KANSL1L: variants seen among roughly 807,000 people sequenced by gnomAD.
KANSL1L encodes KAT8 regulatory NSL complex subunit 1 like, also known as KAT8 regulatory NSL complex subunit 1-like protein.
Under a neutral mutation model 108.6 loss-of-function variants are expected in KANSL1L, and 25 were observed. That is an observed-to-expected ratio of 0.23 (90% CI 0.17 to 0.32). The LOEUF is 0.32. KANSL1L is among the 10% of genes least tolerant of loss of function. The pLI is 1.00. For missense variants in KANSL1L, 1,137 were observed against 1,125.7 expected (o/e 1.01, Z -0.14); for synonymous variants, 405 against 395.1 (o/e 1.03, Z -0.30).
At chr2:210,029,943 G>A in intron 9 of KANSL1L, 25 bp from the exon 10 acceptor site, 2 of 1,168,556 alleles carry the variant, frequency 1.7e-6, no homozygotes, top group Non-Finnish European at 2.5e-6. Context: ...ACCATTGAAT[G>A]TTACACATTA....
intron 3 of KANSL1L, among the ~76,000 whole-genome samples, chr2:210,121,036 A>T (rs2095014010): frequency 6.6e-6 from 1 of 152,212 alleles, no homozygotes; most frequent in Non-Finnish European, 1.5e-5. Context: ...GAATGCTTTT[A>T]CACCACTGGT....
intron 8 of KANSL1L, among the ~76,000 whole-genome samples, chr2:210,039,602 A>G (rs2094142955): frequency 1.3e-5 from 2 of 151,862 alleles, no homozygotes; most frequent in African/African-American, 4.8e-5. Context: ...TTAACTTTGT[A>G]GATAATCAAA....
At chr2:210,092,330 A>G (rs1270541068) in intron 5 of KANSL1L, among the ~76,000 whole-genome samples, 1 of 152,174 alleles carries the variant, frequency 6.6e-6, no homozygotes, top group Non-Finnish European at 1.5e-5. Context: ...ACATTTTAAA[A>G]TGACTCTTCT....
At position 210,022,011 on chromosome 2, in the gene KANSL1L, T is replaced by G. The variant is rs2093865107; in HGVS notation, c.*938A>C. ...TCTAGAAATACAATCATCTTTTTTT[T>G]TTTTTTCAAATTTTATACTGATAGG... On this transcript the variant is annotated 3_prime_UTR_variant, in exon 15 of 15. Coordinates refer to ENST00000281772, the MANE Select transcript of KANSL1L (RefSeq NM_152519.4). 1 of 151,756 alleles carries G rather than the reference T, an allele frequency of 6.6e-6. No homozygotes were observed. The highest frequency in any genetic ancestry group is 2.4e-5 in the African/African-American group (1 of 41,318). The allele number at this position is 151,756 out of a possible 1,614,324, so 9.4% of individuals were successfully genotyped here.
At chr2:210,030,174 C>G (rs563169980) in intron 9 of KANSL1L, among the ~76,000 whole-genome samples, 10 of 152,092 alleles carry the variant, frequency 6.6e-5, no homozygotes, top group African/African-American at 2.4e-4. Flanking sequence ...AATCCCTCAT[C>G]TCATCCCTTT....
intron 1 of KANSL1L, among the ~76,000 whole-genome samples, chr2:210,160,786 A>G (rs1250159449): frequency 2.0e-5 from 3 of 152,208 alleles, no homozygotes; most frequent in Admixed American, 6.5e-5. Context: ...CATTTTGCTG[A>G]TATCTACAAG....
intron 3 of KANSL1L, among the ~76,000 whole-genome samples, chr2:210,121,324 A>C (rs1203959326): frequency 6.6e-6 from 1 of 152,216 alleles, no homozygotes; most frequent in Non-Finnish European, 1.5e-5. Flanking sequence ...CATAAAAAAC[A>C]ATGAGATCAT....
chr2:210,118,027 G>A (rs778611664), intron 3 of KANSL1L, among the ~76,000 whole-genome samples: 7 of 151,792 alleles, frequency 4.6e-5, no homozygotes, highest in African/African-American at 7.3e-5. Context: ...TTAGCCGGGT[G>A]TGATGGCGCA....
chr2:210,025,890 CA>C (rs1217817886), intron 12 of KANSL1L, among the ~76,000 whole-genome samples: 1 of 152,130 alleles, frequency 6.6e-6, no homozygotes, highest in Admixed American at 6.5e-5. Flanking sequence ...CGGTAGGCTA[CA>C]GATGAGTTCG....
chr2:210,050,845 G>A (rs2094284711), intron 6 of KANSL1L, among the ~76,000 whole-genome samples: 1 of 152,090 alleles, frequency 6.6e-6, no homozygotes, highest in African/African-American at 2.4e-5. Context: ...CAGGGCTCAA[G>A]TGATCCTCCC....
chr2:210,029,054 C>G, intron 10 of KANSL1L, 85 bp from the exon 11 acceptor site: 1 of 1,136,454 alleles, frequency 8.8e-7, no homozygotes, highest in Non-Finnish European at 1.3e-6. Flanking sequence ...GTAAATATGG[C>G]AGTACACGTT....
At chr2:210,090,115 A>G (rs1416336293) in intron 5 of KANSL1L, among the ~76,000 whole-genome samples, 1 of 152,232 alleles carries the variant, frequency 6.6e-6, no homozygotes, top group Non-Finnish European at 1.5e-5. Flanking sequence ...AAAGTTTAAT[A>G]TACTTTATGT....
chr2:210,138,450 T>A (rs1196925267), intron 2 of KANSL1L, among the ~76,000 whole-genome samples: 1 of 152,100 alleles, frequency 6.6e-6, no homozygotes, highest in Non-Finnish European at 1.5e-5. Flanking sequence ...CCTGCATACA[T>A]ACCCTGTAAA....
chr2:210,057,899 A>C (rs1381809264), intron 6 of KANSL1L, among the ~76,000 whole-genome samples: 2 of 152,158 alleles, frequency 1.3e-5, no homozygotes, highest in African/African-American at 2.4e-5. Context: ...AGGAGGATGT[A>C]CATCACCTCA....
Position 210,129,156 on chromosome 2 carries a change from A to T in KANSL1L, c.1105T>A (p.Trp369Arg). The T allele has an allele frequency of 6.2e-7, 1 of 1,613,792 alleles. No individual in the cohort carries two copies. The highest frequency in any genetic ancestry group is 8.5e-7 in the Non-Finnish European group (1 of 1,179,764). The change falls in exon 3 of 15, where the codon TGG (tryptophan) becomes AGG (arginine). Residue 369 changes from tryptophan to arginine, a missense_variant. Trp to Arg is a moderately radical substitution (Grantham distance 101). This residue lies in a region of KANSL1L where 556 missense variants were observed against 537.7 expected (regional missense o/e 1.03). Transcript: ENST00000281772. ...CGTGCTCTGTCTACAAGCCACTTCC[A>T]TTCAGTACTACAGTTACTGTGAACA... ...KNVAVNCSTE[W>R]KWLVDRARVG...
At chr2:210,025,816 G>T (rs2093928430) in intron 12 of KANSL1L, among the ~76,000 whole-genome samples, 1 of 152,110 alleles carries the variant, frequency 6.6e-6, no homozygotes, top group African/African-American at 2.4e-5. Context: ...CTGGGCTCAA[G>T]CAATCCTCCC....
chr2:210,063,185 T>C (rs182732049), intron 6 of KANSL1L, among the ~76,000 whole-genome samples: 2,655 of 152,348 alleles, frequency 0.017, 45 homozygotes, highest in Non-Finnish European at 0.023. Context: ...CTTGGCAGTT[T>C]CCATGTGGTG....
Position 210,022,836 on chromosome 2 carries a change from G to C in KANSL1L, c.*113C>G. 5 of 738,146 alleles carry C rather than the reference G, an allele frequency of 6.8e-6. No individual in the cohort carries two copies. The highest frequency in any genetic ancestry group is 1.1e-5 in the Non-Finnish European group (5 of 445,260). 45.7% of individuals were successfully genotyped at this position (738,146 alleles called of 1,614,324 possible). A position where few individuals can be genotyped will look rare whatever the true frequency, so the allele number is the denominator to read the frequency against. ...TGCCTGTTTCATAAACAGCATAAAA[G>C]ATTAATACATGCAGAACATGCTCTT... On this transcript the variant is annotated 3_prime_UTR_variant, in exon 15 of 15. Coordinates refer to ENST00000281772, the MANE Select transcript of KANSL1L (RefSeq NM_152519.4).
intron 1 of KANSL1L, among the ~76,000 whole-genome samples, chr2:210,159,902 G>A (rs566902378): frequency 3.3e-5 from 5 of 152,258 alleles, no homozygotes; most frequent in South Asian, 2.1e-4. Flanking sequence ...TGGGTGTGGC[G>A]GTGGGCACCT....
Sources: gnomAD v4.1 joint callset for allele counts (sites outside exome capture counted in the v4.1 genomes callset) on GRCh38, gnomAD v4.1.1 for gene constraint, gnomAD v4.1.1 regional missense constraint, MANE v1.5 for transcripts, NCBI Gene and HGNC (gene_info 2026-07-23, HGNC 2026-07-21) for gene names.